MAP3K5: variants seen among roughly 807,000 people sequenced by gnomAD.
MAP3K5 encodes ASK-1.
Under a neutral mutation model 158.7 loss-of-function variants are expected in MAP3K5, and 56 were observed. The observed-to-expected ratio is 0.35, with a 90% CI of 0.28 to 0.44. The LOEUF (loss-of-function observed/expected upper bound fraction) is 0.44. Ranked by LOEUF, MAP3K5 falls within the 20% of genes least tolerant of loss-of-function variation. The probability of loss-of-function intolerance (pLI) is 1.00; values close to 1 mark genes in which losing one functional copy is unlikely to be tolerated. For synonymous variants in MAP3K5, 579 were observed against 601.7 expected (o/e 0.96, Z 0.55); for missense variants, 1,294 against 1,674.8 (o/e 0.77, Z 3.97).
chr6:136,625,390 G>GA (rs1282586009), intron 14 of MAP3K5, among the ~76,000 whole-genome samples: 1 of 152,210 alleles, frequency 6.6e-6, no homozygotes, highest in Non-Finnish European at 1.5e-5. Flanking sequence ...GAGGGGATAG[G>GA]AAGTATGGCC....
At chr6:136,614,553 T>C (rs1174766386) in intron 15 of MAP3K5, among the ~76,000 whole-genome samples, 2 of 152,168 alleles carry the variant, frequency 1.3e-5, no homozygotes, top group Non-Finnish European at 1.5e-5. Flanking sequence ...ATTTTACAGA[T>C]GAGGAAACTG....
At chr6:136,723,033 A>G (rs1781811986) in intron 1 of MAP3K5, among the ~76,000 whole-genome samples, 1 of 151,574 alleles carries the variant, frequency 6.6e-6, no homozygotes, top group South Asian at 2.1e-4. Flanking sequence ...AATTATGTAC[A>G]CTCTGACCCA....
intron 26 of MAP3K5, among the ~76,000 whole-genome samples, chr6:136,564,698 T>C (rs933957890): frequency 6.6e-6 from 1 of 152,238 alleles, no homozygotes; most frequent in African/African-American, 2.4e-5. Context: ...TTTTATCTTT[T>C]GTTAAAGTGA....
intron 8 of MAP3K5, among the ~76,000 whole-genome samples, chr6:136,667,680 C>G (rs116485952): frequency 0.01 from 1,521 of 152,036 alleles, 28 homozygotes; most frequent in African/African-American, 0.035. Context: ...AAAACCTCAT[C>G]TTTACAAAAA....
intron 9 of MAP3K5, among the ~76,000 whole-genome samples, chr6:136,658,473 C>A (rs1004696592): frequency 1.3e-5 from 2 of 151,890 alleles, no homozygotes; most frequent in African/African-American, 4.8e-5. Flanking sequence ...CGCGATCATG[C>A]CCAGCTAATT....
intron 7 of MAP3K5, among the ~76,000 whole-genome samples, chr6:136,677,811 G>A (rs1397286388): frequency 1.3e-5 from 2 of 152,154 alleles, no homozygotes; most frequent in Non-Finnish European, 2.9e-5. Flanking sequence ...CATAGATGAC[G>A]GTCTCTATCA....
At chr6:136,684,429 T>C (rs1432040991) in intron 7 of MAP3K5, among the ~76,000 whole-genome samples, 1 of 152,166 alleles carries the variant, frequency 6.6e-6, no homozygotes, top group Non-Finnish European at 1.5e-5. Flanking sequence ...GAATTCAGCA[T>C]AACCATTTCA....
intron 11 of MAP3K5, among the ~76,000 whole-genome samples, chr6:136,647,401 C>T (rs1466003236): frequency 1.3e-5 from 2 of 152,182 alleles, no homozygotes; most frequent in Non-Finnish European, 2.9e-5. Context: ...GCCTAGGCCA[C>T]GAAGCATGCA....
At position 136,746,692 on chromosome 6, in the gene MAP3K5, C is replaced by CT. The variant is rs1417197305; in HGVS notation, c.449-26104dup. Among the ~76,000 whole-genome samples, 3 of 152,088 alleles carry CT rather than the reference C, an allele frequency of 2.0e-5. No homozygotes were observed. In the East Asian group the frequency reaches 5.8e-4, roughly 29 times the overall value. ...TGAGTATGCATAACAATATTCTTTC[C>CT]TTTTTGCAATAAAAAAGCAATAAGG... is the stretch of plus-strand genomic sequence containing the variant. On this transcript the variant is annotated intron_variant, in intron 1 of 29. Transcript: ENST00000359015.
At chr6:136,757,579 A>ATTTATTTTTTTTTTTTTTTT (rs1562679137) in intron 1 of MAP3K5, among the ~76,000 whole-genome samples, 1 of 111,972 alleles carries the variant, frequency 8.9e-6, no homozygotes, top group Non-Finnish European at 2.0e-5. Flanking sequence ...TTATTTATTT[A>ATTTATTTTTTTTTTTTTTTT]TTTTTTATTT....
chr6:136,654,656 G>T (rs1046230305), intron 10 of MAP3K5, among the ~76,000 whole-genome samples: 1 of 152,124 alleles, frequency 6.6e-6, no homozygotes, highest in Non-Finnish European at 1.5e-5. Context: ...ATGTTGGTCA[G>T]GAAAGTCTCA....
chr6:136,593,437 G>A (rs1055551344), intron 21 of MAP3K5, among the ~76,000 whole-genome samples: 1 of 152,140 alleles, frequency 6.6e-6, no homozygotes, highest in African/African-American at 2.4e-5. Context: ...TCATGCTTGG[G>A]TGAGTTGCCA....
intron 8 of MAP3K5, among the ~76,000 whole-genome samples, chr6:136,659,837 G>A (rs1778927844): frequency 6.6e-6 from 1 of 152,226 alleles, no homozygotes; most frequent in Admixed American, 6.5e-5. Flanking sequence ...TAATGCCACT[G>A]AAGCGTGCAC....
At chr6:136,567,593 A>T in intron 26 of MAP3K5, 38 bp downstream of exon 26, 2 of 1,566,268 alleles carry the variant, frequency 1.3e-6, no homozygotes, top group Non-Finnish European at 1.7e-6. Flanking sequence ...AGTAAAAGTA[A>T]AAGAAAAGAA....
intron 7 of MAP3K5, among the ~76,000 whole-genome samples, chr6:136,673,691 A>C (rs1490364629): frequency 6.7e-6 from 1 of 150,358 alleles, no homozygotes; most frequent in Admixed American, 6.6e-5. Flanking sequence ...GAAGGTATCT[A>C]AACTGAAGCA....
intron 8 of MAP3K5, 56 bp downstream of exon 8, chr6:136,669,227 G>T: frequency 9.1e-7 from 1 of 1,094,914 alleles, no homozygotes; most frequent in Non-Finnish European, 1.4e-6. Flanking sequence ...CTTTTTCTTT[G>T]CACCAAGTTG....
chr6:136,628,454 G>C (rs1395820585), intron 14 of MAP3K5, among the ~76,000 whole-genome samples: 2 of 151,788 alleles, frequency 1.3e-5, no homozygotes, highest in Non-Finnish European at 2.9e-5. Context: ...TGTTACCCAG[G>C]CTGGACTCAA....
chr6:136,662,424 C>A (rs555133277), intron 8 of MAP3K5, among the ~76,000 whole-genome samples: 43 of 152,336 alleles, frequency 2.8e-4, no homozygotes, highest in African/African-American at 9.6e-4. Flanking sequence ...CTTGTTTCTA[C>A]ATGAAGACAT....
chr6:136,598,417 CCA>C (rs987495323), intron 21 of MAP3K5, among the ~76,000 whole-genome samples: 1 of 152,196 alleles, frequency 6.6e-6, no homozygotes, highest in African/African-American at 2.4e-5. Flanking sequence ...ATGATTTTTT[CCA>C]GTGTTTTTCT....
Sources: allele counts gnomAD v4.1 joint callset (sites outside exome capture counted in the v4.1 genomes callset), GRCh38; gene constraint gnomAD v4.1.1; transcripts MANE v1.5; gene names NCBI Gene and HGNC (gene_info 2026-07-23, HGNC 2026-07-21).